Variants in RABGAP1L observed in about 807,000 individuals in gnomAD.
RABGAP1L encodes RAB GTPase activating protein 1 like.
RABGAP1L carries 63 observed loss-of-function variants against 137.7 expected under a neutral mutation model. That is an observed-to-expected ratio of 0.46 (90% CI 0.37 to 0.56). The LOEUF (loss-of-function observed/expected upper bound fraction) is 0.56. Among genes scored for constraint, RABGAP1L ranks in the 20% least tolerant of loss-of-function variants. The pLI is 0.00. For synonymous variants in RABGAP1L, 431 were observed against 433.7 expected, an observed-to-expected ratio of 0.99 and a Z score of 0.08; for missense variants, 1,095 against 1,244.0, an observed-to-expected ratio of 0.88 and a Z score of 1.80.
At chr1:174,597,600 T>C (rs989191854) in intron 13 of RABGAP1L, among the ~76,000 whole-genome samples, 1 of 152,114 alleles carries the variant, frequency 6.6e-6, no homozygotes, top group Non-Finnish European at 1.5e-5. Context: ...TTCTCTCTTT[T>C]TTTCTTAATC....
chr1:174,632,254 G>C (rs903834630), intron 13 of RABGAP1L, among the ~76,000 whole-genome samples: 6 of 144,932 alleles, frequency 4.1e-5, no homozygotes, highest in Non-Finnish European at 7.5e-5. Context: ...GGTTTCTGCC[G>C]AGAGATCCGC....
intron 13 of RABGAP1L, chr1:174,545,742 TACTC>T (rs1215960397): frequency 2.0e-5 from 3 of 152,292 alleles, no homozygotes; most frequent in Admixed American, 6.5e-5. Flanking sequence ...TGAGTTGTAA[TACTC>T]ACTCTTCCTG....
Position 174,250,559 on chromosome 1 carries a change from A to AC in RABGAP1L, c.807dup (p.Asp270ArgfsTer3). The stretch of plus-strand genomic sequence containing the variant: ...TGATGTTAAAGACTCAGTTATTCCT[A>AC]CCCCCGACAGTGATGTGTTTACCTT... On this transcript the variant is annotated frameshift_variant, in exon 6 of 26. Coordinates refer to ENST00000681986, the MANE Select transcript of RABGAP1L (RefSeq NM_001366446.1). LOFTEE classifies it high-confidence loss of function. 1.2e-6 allele frequency: 2 copies of AC among 1,613,816 alleles called. No individual in the cohort carries two copies. Among genetic ancestry groups the AC allele is most frequent in the Admixed American group, 3.3e-5 (2 of 59,988 alleles).
intron 19 of RABGAP1L, among the ~76,000 whole-genome samples, chr1:174,905,384 T>C (rs964568896): frequency 6.6e-6 from 1 of 152,060 alleles, no homozygotes; most frequent in African/African-American, 2.4e-5. Context: ...AGAAGAGCAA[T>C]TCAGAAATTT....
At chr1:174,560,977 A>G (rs1667173305) in intron 13 of RABGAP1L, among the ~76,000 whole-genome samples, 1 of 152,214 alleles carries the variant, frequency 6.6e-6, no homozygotes, top group South Asian at 2.1e-4. Flanking sequence ...ATTTTGCCAC[A>G]GTGGAGTTAC....
intron 18 of RABGAP1L, among the ~76,000 whole-genome samples, chr1:174,811,256 G>T (rs571812225): frequency 6.6e-6 from 1 of 152,272 alleles, no homozygotes; most frequent in South Asian, 2.1e-4. Context: ...TTTCAGAAGA[G>T]ATCAGTAGTT....
intron 19 of RABGAP1L, among the ~76,000 whole-genome samples, chr1:174,941,491 A>C (rs1665864825): frequency 6.6e-6 from 1 of 152,246 alleles, no homozygotes; most frequent in African/African-American, 2.4e-5. Flanking sequence ...TGAATTGCTC[A>C]TAAGATTCTG....
At chr1:174,645,961 A>C (rs759371881) in intron 14 of RABGAP1L, among the ~76,000 whole-genome samples, 57 of 152,314 alleles carry the variant, frequency 3.7e-4, no homozygotes, top group Middle Eastern at 3.4e-3. Context: ...GTGACCAATT[A>C]TAATGAGCTT....
In RABGAP1L at chr1:174,994,585, A is replaced by G. The variant is rs1420687725; in HGVS notation, c.*4584A>G. On this transcript the variant is annotated 3_prime_UTR_variant, in exon 26 of 26. Coordinates refer to ENST00000681986, the MANE Select transcript of RABGAP1L (RefSeq NM_001366446.1). The stretch of plus-strand genomic sequence containing the variant: ...AAACTGTATAACTTTTAATAACTAT[A>G]TATTATATATGGGATAAAATATATG... The G allele has an allele frequency of 6.6e-6, 1 of 152,242 alleles. No homozygotes were observed. The highest frequency in any genetic ancestry group is 1.5e-5 in the Non-Finnish European group (1 of 68,052). The allele number at this position is 152,242 out of a possible 1,614,324, so 9.4% of individuals were successfully genotyped here.
chr1:174,877,339 TC>T, intron 19 of RABGAP1L: 1 of 1,402,076 alleles, frequency 7.1e-7, no homozygotes, highest in Non-Finnish European at 9.6e-7. Context: ...GCTTTTTTTT[TC>T]TTTCTCTTTC....
intron 18 of RABGAP1L, among the ~76,000 whole-genome samples, chr1:174,758,657 A>G (rs1684972057): frequency 6.6e-6 from 1 of 152,104 alleles, no homozygotes; most frequent in East Asian, 1.9e-4. Flanking sequence ...TCCATGGTGT[A>G]TATATTAATA....
intron 20 of RABGAP1L, among the ~76,000 whole-genome samples, chr1:174,961,179 T>C (rs1462115764): frequency 6.6e-6 from 1 of 152,156 alleles, no homozygotes; most frequent in African/African-American, 2.4e-5. Context: ...CTCTAACATT[T>C]TGGTTTGTAA....
chr1:174,219,918 T>A (rs1558041963), intron 2 of RABGAP1L, among the ~76,000 whole-genome samples: 1 of 152,324 alleles, frequency 6.6e-6, no homozygotes, highest in East Asian at 1.9e-4. Flanking sequence ...GTGCTATATA[T>A]TACTTATGAC....
In RABGAP1L at chr1:174,637,487, A is replaced by G; in HGVS notation, c.1823A>G (p.Lys608Arg). The G allele has an allele frequency of 6.4e-7, 1 of 1,574,492 alleles. No homozygotes were observed. The highest frequency in any genetic ancestry group is 8.7e-7 in the Non-Finnish European group (1 of 1,144,464). ...DGQESLYKIC[K>R]AYSVYDEDIG... The stretch of plus-strand genomic sequence containing the variant: ...CAAGAATCGCTCTATAAGATCTGCA[A>G]GGTAGGACTCTCTTCCTCACTTTTT... Residue 608 changes from lysine to arginine, a missense_variant and splice_region_variant, in exon 14 of 26, where the codon AAG (lysine) becomes AGG (arginine). This residue lies in a region of RABGAP1L where 315 missense variants were observed against 324.8 expected (regional missense o/e 0.97). Coordinates refer to ENST00000681986, the MANE Select transcript of RABGAP1L (RefSeq NM_001366446.1).
intron 1 of RABGAP1L, among the ~76,000 whole-genome samples, chr1:174,166,881 AAAG>A (rs1205367474): frequency 6.6e-6 from 1 of 152,226 alleles, no homozygotes; most frequent in Non-Finnish European, 1.5e-5. Flanking sequence ...AAATGTTGGT[AAAG>A]AAGTTGCTAT....
At chr1:174,482,265 C>T (rs1013146917) in intron 13 of RABGAP1L, among the ~76,000 whole-genome samples, 1 of 152,226 alleles carries the variant, frequency 6.6e-6, no homozygotes, top group Non-Finnish European at 1.5e-5. Flanking sequence ...AGACCCATGT[C>T]AGACTTACGA....
intron 19 of RABGAP1L, among the ~76,000 whole-genome samples, chr1:174,931,379 T>A (rs1338551733): frequency 6.6e-6 from 1 of 152,220 alleles, no homozygotes; most frequent in Non-Finnish European, 1.5e-5. Flanking sequence ...TGACTTCCAA[T>A]AGATAATGCT....
chr1:174,300,529 C>CAAAA (rs34220318), intron 10 of RABGAP1L, among the ~76,000 whole-genome samples: 18 of 84,218 alleles, frequency 2.1e-4, no homozygotes, highest in Admixed American at 6.5e-4. Flanking sequence ...AACTCCATCT[C>CAAAA]AAAAAAAAAA....
rs1342528273 is a variant in RABGAP1L at position 174,994,073 on chromosome 1, C to T, written c.*4072C>T. On this transcript the variant is annotated 3_prime_UTR_variant, in exon 26 of 26. Coordinates refer to ENST00000681986, the MANE Select transcript of RABGAP1L (RefSeq NM_001366446.1). ...CTGTTTCCTACAACCAGATATAAAA[C>T]TCTTTCTCGTCGCCATGCTGATAGT... 1.3e-5 allele frequency: 2 copies of T among 152,230 alleles called. No individual in the cohort carries two copies. Among genetic ancestry groups the T allele is most frequent in the African/African-American group, 4.8e-5 (2 of 41,450 alleles). The allele number at this position is 152,230 out of a possible 1,614,324, so 9.4% of individuals were successfully genotyped here.
Sources: allele counts gnomAD v4.1 joint callset (sites outside exome capture counted in the v4.1 genomes callset), GRCh38; gene constraint gnomAD v4.1.1; regional missense constraint gnomAD v4.1.1; transcripts MANE v1.5; gene names NCBI Gene and HGNC (gene_info 2026-07-23, HGNC 2026-07-21).